Variants in NRXN1 observed in about 807,000 individuals in gnomAD.
NRXN1 encodes neurexin 1.
A neutral mutation model predicts 150.9 loss-of-function variants in NRXN1; 39 were observed. That is an observed-to-expected ratio of 0.26 (90% confidence interval 0.20 to 0.34). The LOEUF is 0.34. NRXN1 is among the 10% of genes least tolerant of loss of function. The probability of loss-of-function intolerance (pLI) is 1.00; values close to 1 mark genes in which losing one functional copy is unlikely to be tolerated. For synonymous variants in NRXN1, 924 were observed against 757.0 expected (o/e 1.22, Z -3.62); for missense variants, 1,815 against 1,949.9 (o/e 0.93, Z 1.30).
intron 5 of NRXN1, among the ~76,000 whole-genome samples, chr2:50,721,780 T>C (rs1384450658): frequency 6.6e-6 from 1 of 152,174 alleles, no homozygotes; most frequent in Non-Finnish European, 1.5e-5. Context: ...CTCATAAACA[T>C]TTGGGATAGA....
chr2:50,320,282 T>TCTTATATATATA (rs200051532), intron 17 of NRXN1, among the ~76,000 whole-genome samples: 61 of 47,530 alleles, frequency 1.3e-3, no homozygotes, highest in African/African-American at 4.9e-3. Context: ...TATACCTCAA[T>TCTTATATATATA]CATATATATA....
chr2:50,667,606 T>C (rs1417413526), intron 5 of NRXN1, among the ~76,000 whole-genome samples: 1 of 151,982 alleles, frequency 6.6e-6, no homozygotes. Context: ...ATCTGAACTC[T>C]GAGTTTTCTC....
intron 8 of NRXN1, among the ~76,000 whole-genome samples, chr2:50,602,502 A>G (rs556488754): frequency 1.3e-5 from 2 of 152,194 alleles, no homozygotes; most frequent in South Asian, 2.1e-4. Flanking sequence ...CAGAATCAAC[A>G]ATCACTTTCC....
intron 21 of NRXN1, among the ~76,000 whole-genome samples, chr2:50,017,452 A>T (rs1358663501): frequency 6.6e-6 from 1 of 152,202 alleles, no homozygotes; most frequent in East Asian, 1.9e-4. Context: ...AAGTCAAAAA[A>T]AATTGGAAGA....
chr2:50,474,758 T>C (rs2089846030), intron 15 of NRXN1, among the ~76,000 whole-genome samples: 1 of 133,156 alleles, frequency 7.5e-6, no homozygotes, highest in Admixed American at 8.1e-5. Flanking sequence ...GGGTAGCACC[T>C]CAGTGAGCAC....
At chr2:50,522,482 G>C (rs192403054) in intron 12 of NRXN1, among the ~76,000 whole-genome samples, 1 of 152,214 alleles carries the variant, frequency 6.6e-6, no homozygotes, top group East Asian at 1.9e-4. Context: ...AACTGCACAA[G>C]AGTAGTTTTT....
chr2:50,094,581 G>C (rs1699978486), intron 18 of NRXN1, among the ~76,000 whole-genome samples: 1 of 152,150 alleles, frequency 6.6e-6, no homozygotes, highest in East Asian at 1.9e-4. Flanking sequence ...ACTGTGGCTT[G>C]CTGATGCCCA....
At chr2:50,101,100 AT>A (rs561283211) in intron 18 of NRXN1, among the ~76,000 whole-genome samples, 6 of 151,974 alleles carry the variant, frequency 3.9e-5, no homozygotes, top group South Asian at 2.1e-4. Context: ...GTTTTTGTTC[AT>A]TTTTTTATAT....
In NRXN1 at chr2:50,236,928, G is replaced by A. The variant is rs138261348; in HGVS notation, c.3407C>T (p.Thr1136Met). ...TCGGTCATTAGGAGGCCACTTATAC[G>A]TGATTTGTCCACCACCTTTGCTAAA... ...YIFSKGGGQI[T>M]YKWPPNDRPS... is the part of the protein sequence containing the mutation. The change falls in exon 18 of 23, where the codon ACG becomes ATG. Residue 1136 changes from threonine (T) to methionine (M), a missense_variant. Physicochemically the swap from Thr to Met is moderately conservative, Grantham distance 81. Transcript: ENST00000401669. The A allele has an allele frequency of 4.6e-5, 75 of 1,613,360 alleles. No homozygotes were observed. The highest frequency in any genetic ancestry group is 1.4e-4 in the South Asian group (13 of 91,084).
At chr2:50,814,639 T>A (rs976071149) in intron 5 of NRXN1, among the ~76,000 whole-genome samples, 4 of 152,068 alleles carry the variant, frequency 2.6e-5, no homozygotes, top group Non-Finnish European at 5.9e-5. Context: ...TGGATAAAAT[T>A]TTGCCCAGTT....
chr2:51,022,090 C>A (rs1669702288), intron 2 of NRXN1, among the ~76,000 whole-genome samples: 1 of 151,876 alleles, frequency 6.6e-6, no homozygotes, highest in Non-Finnish European at 1.5e-5. Context: ...ACTAAAATTC[C>A]TTTTAGACAA....
intron 5 of NRXN1, among the ~76,000 whole-genome samples, chr2:50,668,257 G>T (rs1436970959): frequency 6.6e-6 from 1 of 151,758 alleles, no homozygotes; most frequent in Non-Finnish European, 1.5e-5. Context: ...AGTGAAATAA[G>T]AGTGATTATC....
intron 16 of NRXN1, among the ~76,000 whole-genome samples, chr2:50,466,860 G>C (rs1307684863): frequency 2.0e-5 from 3 of 151,756 alleles, no homozygotes; most frequent in Non-Finnish European, 1.5e-5. Context: ...ATCATGTGCA[G>C]ATACAGTGTA....
rs528357842 is a variant in NRXN1, at chr2:49,944,544, C to T, written c.4129-753G>A. Reference sequence around the variant, plus strand: ...CATTGCGCTTACAGCAAAAAAGATACCTATCTCTGTAATAAAAAGCAGAGT... The same window carrying T: ...CATTGCGCTTACAGCAAAAAAGATATCTATCTCTGTAATAAAAAGCAGAGT... On this transcript the variant is annotated intron_variant, in intron 21 of 22. Transcript: ENST00000401669. Among the ~76,000 whole-genome samples the T allele has an allele frequency of 1.1e-4, 16 of 152,252 alleles. No individual in the cohort carries two copies. The South Asian group carries it at 3.3e-3, about 32-fold the overall frequency.
At chr2:50,236,512 C>A (rs934989986) in intron 18 of NRXN1, among the ~76,000 whole-genome samples, 2 of 146,808 alleles carry the variant, frequency 1.4e-5, no homozygotes, top group African/African-American at 2.5e-5. Context: ...CCTAAAGACA[C>A]TAAAATCACT....
chr2:50,921,822 T>C, intron 5 of NRXN1, 47 bp downstream of exon 5: 1 of 984,188 alleles, frequency 1.0e-6, no homozygotes, highest in Non-Finnish European at 1.4e-6. Flanking sequence ...TCAGACACAC[T>C]GTAATTCATA....
At chr2:50,294,823 G>C (rs920190703) in intron 17 of NRXN1, among the ~76,000 whole-genome samples, 1 of 152,140 alleles carries the variant, frequency 6.6e-6, no homozygotes, top group Non-Finnish European at 1.5e-5. Context: ...TTTATTTCCA[G>C]AGTTACTTTA....
At chr2:50,859,987 T>C (rs755478747) in intron 5 of NRXN1, among the ~76,000 whole-genome samples, 7 of 152,044 alleles carry the variant, frequency 4.6e-5, no homozygotes, top group Non-Finnish European at 7.4e-5. Context: ...TAAATACCTA[T>C]CTCTTTGTAA....
intron 5 of NRXN1, among the ~76,000 whole-genome samples, chr2:50,686,161 C>A (rs1173142647): frequency 2.0e-5 from 3 of 152,002 alleles, no homozygotes; most frequent in Non-Finnish European, 2.9e-5. Context: ...AACAAACAAA[C>A]AAAAAACTAG....
Sources: allele counts gnomAD v4.1 joint callset (sites outside exome capture counted in the v4.1 genomes callset), GRCh38; gene constraint gnomAD v4.1.1; transcripts MANE v1.5; gene names NCBI Gene and HGNC (gene_info 2026-07-23, HGNC 2026-07-21).